MAPK10: variants seen among roughly 807,000 people sequenced by gnomAD.
MAPK10 encodes the protein mitogen-activated protein kinase 10, also known as JNK3 alpha protein kinase.
Under a neutral mutation model 59.3 loss-of-function variants are expected in MAPK10, and 25 were observed. The observed-to-expected ratio is 0.42, with a 90% CI of 0.31 to 0.59. The LOEUF (loss-of-function observed/expected upper bound fraction) is 0.59, where lower values mean the gene tolerates loss of function less well. Among genes scored for constraint, MAPK10 ranks in the 20% least tolerant of loss-of-function variants. MAPK10 has a pLI of 0.15. For missense variants in MAPK10, 351 were observed against 568.9 expected, an observed-to-expected ratio of 0.62 and a Z score of 3.90; for synonymous variants, 190 against 200.5, an observed-to-expected ratio of 0.95 and a Z score of 0.44.
At chr4:86,586,857 G>T (rs1249895337) in intron 1 of MAPK10, among the ~76,000 whole-genome samples, 1 of 152,174 alleles carries the variant, frequency 6.6e-6, no homozygotes, top group Non-Finnish European at 1.5e-5. Flanking sequence ...AAAAGTGGAA[G>T]TTACAGGAGC....
chr4:86,340,268 G>T (rs550382212), intron 2 of MAPK10: 1 of 151,956 alleles, frequency 6.6e-6, no homozygotes, highest in Non-Finnish European at 1.5e-5. Flanking sequence ...GTATTAGTTC[G>T]TTTTCACTCT....
At chr4:86,256,193 C>T (rs868368965) in intron 2 of MAPK10, among the ~76,000 whole-genome samples, 7 of 152,264 alleles carry the variant, frequency 4.6e-5, no homozygotes, top group Middle Eastern at 6.8e-3. Context: ...TAGCTTTTGT[C>T]TCTACAATCA....
At chr4:86,395,679 A>G (rs538171818) in intron 1 of MAPK10, among the ~76,000 whole-genome samples, 1 of 152,278 alleles carries the variant, frequency 6.6e-6, no homozygotes, top group Non-Finnish European at 1.5e-5. Context: ...AGAGATATTC[A>G]TTTCTCAAAG....
At chr4:86,029,338 T>C in intron 12 of MAPK10, 64 bp from the exon 13 acceptor site, 1 of 963,654 alleles carries the variant, frequency 1.0e-6, no homozygotes, top group East Asian at 2.4e-5. Flanking sequence ...GGAAATTCAT[T>C]ACTTAATGCC....
chr4:86,169,065 C>T (rs571502545), intron 3 of MAPK10, among the ~76,000 whole-genome samples: 3 of 152,186 alleles, frequency 2.0e-5, no homozygotes, highest in Admixed American at 6.5e-5. Context: ...CCCATCTGTA[C>T]ATCACCATCA....
intron 2 of MAPK10, among the ~76,000 whole-genome samples, chr4:86,202,858 T>G (rs540322765): frequency 6.6e-6 from 1 of 152,082 alleles, no homozygotes; most frequent in Admixed American, 6.6e-5. Flanking sequence ...AGCTAAAAAT[T>G]TACAAAGTCA....
intron 2 of MAPK10, among the ~76,000 whole-genome samples, chr4:86,350,104 T>A (rs1730407398): frequency 6.6e-6 from 1 of 152,116 alleles, no homozygotes; most frequent in African/African-American, 2.4e-5. Flanking sequence ...CAGGTTGGAG[T>A]ACAGTGGTGC....
At chr4:86,329,677 G>A (rs2096107680) in intron 2 of MAPK10, among the ~76,000 whole-genome samples, 1 of 152,090 alleles carries the variant, frequency 6.6e-6, no homozygotes, top group Non-Finnish European at 1.5e-5. Context: ...ATATGCTTAT[G>A]CAGAGATCCG....
intron 11 of MAPK10, among the ~76,000 whole-genome samples, chr4:86,049,194 T>C (rs1258239562): frequency 6.6e-6 from 1 of 152,040 alleles, no homozygotes; most frequent in African/African-American, 2.4e-5. Flanking sequence ...ATACCCCACA[T>C]GAAGAATCAT....
At chr4:86,055,560 T>TA (rs1561070741) in intron 11 of MAPK10, among the ~76,000 whole-genome samples, 2 of 149,874 alleles carry the variant, frequency 1.3e-5, no homozygotes, top group African/African-American at 5.0e-5. Flanking sequence ...TGGGGAAACT[T>TA]ACTAAAACTG....
intron 2 of MAPK10, among the ~76,000 whole-genome samples, chr4:86,242,657 G>C (rs1204542091): frequency 6.6e-6 from 1 of 152,200 alleles, no homozygotes; most frequent in Non-Finnish European, 1.5e-5. Context: ...GTTGGGCTGT[G>C]GGGACAAGTC....
intron 1 of MAPK10, among the ~76,000 whole-genome samples, chr4:86,396,336 G>A (rs538042877): frequency 6.6e-6 from 1 of 152,284 alleles, no homozygotes; most frequent in South Asian, 2.1e-4. Context: ...AAGAGTGCGA[G>A]ACTCTGTCTC....
intron 2 of MAPK10, among the ~76,000 whole-genome samples, chr4:86,320,046 G>A (rs981528367): frequency 6.6e-6 from 1 of 152,206 alleles, no homozygotes; most frequent in African/African-American, 2.4e-5. Flanking sequence ...AAAGTAATGA[G>A]AAGTAGTCAA....
At chr4:86,029,164 C>T (rs1751917933) in intron 13 of MAPK10, 33 bp downstream of exon 13, 1 of 1,408,242 alleles carries the variant, frequency 7.1e-7, no homozygotes, top group Non-Finnish European at 1.0e-6. Flanking sequence ...TACACAAGTA[C>T]TAGTTTATTG....
chr4:86,081,174 A>C (rs1475632121), intron 9 of MAPK10: 1 of 152,072 alleles, frequency 6.6e-6, no homozygotes, highest in African/African-American at 2.4e-5. Context: ...GTGAAGAAAG[A>C]GTAAGTTAGT....
intron 9 of MAPK10, among the ~76,000 whole-genome samples, chr4:86,074,541 CT>C (rs1561348819): frequency 7.6e-6 from 1 of 131,774 alleles, no homozygotes; most frequent in East Asian, 2.2e-4. Flanking sequence ...CTGGTTGTTC[CT>C]TTCCATGTTT....
rs548938038 is a variant in MAPK10 at position 86,177,557 on chromosome 4, T to C, written c.66+16779A>G. Among the ~76,000 whole-genome samples the C allele has an allele frequency of 1.3e-3, 197 of 152,240 alleles. 1 individual carries two copies. The highest frequency in any genetic ancestry group is 2.2e-3 in the Non-Finnish European group (151 of 67,994). ...ATTGCCTTAAAATCAAGAGAGCTGT[T>C]TTTAAAAACCCATATAATTCTGGAA... On this transcript the variant is annotated intron_variant, in intron 3 of 13. Transcript: ENST00000641462.
intron 12 of MAPK10, among the ~76,000 whole-genome samples, chr4:86,030,891 T>C (rs1036832384): frequency 2.6e-5 from 4 of 152,244 alleles, no homozygotes; most frequent in South Asian, 2.1e-4. Context: ...GCTACTCAGA[T>C]ACACATATTT....
chr4:86,074,203 A>G (rs2048701451), intron 9 of MAPK10, among the ~76,000 whole-genome samples: 1 of 131,298 alleles, frequency 7.6e-6, no homozygotes, highest in African/African-American at 3.1e-5. Context: ...TTTATCAGAG[A>G]CTAGGATTGC....
Sources: allele counts gnomAD v4.1 joint callset (sites outside exome capture counted in the v4.1 genomes callset), GRCh38; gene constraint gnomAD v4.1.1; transcripts MANE v1.5; gene names NCBI Gene and HGNC (gene_info 2026-07-23, HGNC 2026-07-21).